Variants in CHN2 observed in about 807,000 individuals in gnomAD.
CHN2 encodes chimerin 2, also known as beta-chimaerin.
In CHN2, 35 loss-of-function variants were observed where a neutral mutation model predicts 56.3. The ratio of observed to expected loss-of-function variants is 0.62; its 90% CI spans 0.47 to 0.82. The LOEUF is 0.82. CHN2 is among the 40% of genes least tolerant of loss of function. The pLI is 0.00. For synonymous variants in CHN2, 210 were observed against 212.8 expected (o/e 0.99, Z 0.12); for missense variants, 491 against 580.5 (o/e 0.85, Z 1.58).
chr7:29,454,781 G>A (rs1173543815), intron 6 of CHN2, among the ~76,000 whole-genome samples: 1 of 152,130 alleles, frequency 6.6e-6, no homozygotes, highest in Non-Finnish European at 1.5e-5. Context: ...CCATGGCTAC[G>A]TGACTACGTG....
chr7:29,336,427 C>T (rs1407520211), intron 1 of CHN2, among the ~76,000 whole-genome samples: 1 of 151,992 alleles, frequency 6.6e-6, no homozygotes, highest in Admixed American at 6.6e-5. Flanking sequence ...CTGAGCAACA[C>T]AGTAAGACTC....
intron 2 of CHN2, among the ~76,000 whole-genome samples, chr7:29,183,135 A>G (rs1187405330): frequency 1.5e-5 from 2 of 135,998 alleles, no homozygotes; most frequent in Non-Finnish European, 3.1e-5. Flanking sequence ...CCTAGGCTGG[A>G]GTGCAACGGC....
intron 1 of CHN2, among the ~76,000 whole-genome samples, chr7:29,271,174 A>G (rs1242920263): frequency 6.6e-6 from 1 of 152,158 alleles, no homozygotes; most frequent in Non-Finnish European, 1.5e-5. Flanking sequence ...TCTTTTAGTC[A>G]GCGTCCTGGT....
intron 6 of CHN2, chr7:29,401,040 A>G (rs1275122870): frequency 5.4e-6 from 3 of 558,782 alleles, no homozygotes; most frequent in East Asian, 6.1e-5. Context: ...AGGCCGAGGC[A>G]GGTGGATCAC....
chr7:29,253,129 C>T (rs1788771739), intron 1 of CHN2, among the ~76,000 whole-genome samples: 1 of 152,144 alleles, frequency 6.6e-6, no homozygotes, highest in East Asian at 1.9e-4. Context: ...GGGGCTTCAT[C>T]AAATAGGGAT....
intron 6 of CHN2, among the ~76,000 whole-genome samples, chr7:29,412,320 CTTTTTTTTTTTTTT>C (rs1158746299): frequency 2.9e-5 from 2 of 69,510 alleles, no homozygotes; most frequent in Non-Finnish European, 2.7e-5. Context: ...GCTAAAGAGT[CTTTTTTTTTTTTTT>C]TTTTTTTTTT....
At chr7:29,247,850 T>C (rs1366799874) in intron 1 of CHN2, among the ~76,000 whole-genome samples, 1 of 152,234 alleles carries the variant, frequency 6.6e-6, no homozygotes, top group East Asian at 1.9e-4. Flanking sequence ...CCAAATCCTC[T>C]CTGCTCTTTA....
At chr7:29,288,804 T>C (rs1168008790) in intron 1 of CHN2, 1 of 152,284 alleles carries the variant, frequency 6.6e-6, no homozygotes, top group Non-Finnish European at 1.5e-5. Context: ...GTCTTCCTTT[T>C]TCTTAGAATG....
upstream of CHN2, among the ~76,000 whole-genome samples, chr7:29,190,889 G>A (rs1439064641): frequency 6.6e-6 from 1 of 151,046 alleles, no homozygotes; most frequent in African/African-American, 2.4e-5. Flanking sequence ...GCAAAGTATG[G>A]TAGACAATAC....
At chr7:29,238,356 A>G (rs1402446378) in intron 1 of CHN2, among the ~76,000 whole-genome samples, 1 of 152,156 alleles carries the variant, frequency 6.6e-6, no homozygotes, top group Non-Finnish European at 1.5e-5. Flanking sequence ...CGGGTCTGTT[A>G]TGTGTATTAT....
In CHN2 at chr7:29,367,978, T is replaced by C. The variant is rs1799306656; in HGVS notation, c.135T>C (p.Cys45=). ...CACCTCGTCCCAAGAGAATCATTTG[T>C]CCTCGGGAGGTCAGTGCTCAGCTAT... ...QEAPRPKRII[C]PREVENRPKY... is the part of the protein sequence containing the mutation. Residue 45 remains cysteine (C), a synonymous_variant, in exon 3 of 13, where the codon TGT becomes TGC. Coordinates refer to ENST00000222792, the MANE Select transcript of CHN2 (RefSeq NM_004067.4). 1 of 1,611,070 alleles carries C rather than the reference T, an allele frequency of 6.2e-7. No individual in the cohort carries two copies. Among genetic ancestry groups the C allele is most frequent in the Non-Finnish European group, 8.5e-7 (1 of 1,178,738 alleles).
At chr7:29,472,299 G>GCACACACA (rs59917710) in intron 6 of CHN2, among the ~76,000 whole-genome samples, 3 of 105,550 alleles carry the variant, frequency 2.8e-5, no homozygotes, top group South Asian at 3.1e-4. Context: ...ACACACACAC[G>GCACACACA]CACACACACA....
At chr7:29,493,773 G>T (rs1431311914) in intron 7 of CHN2, among the ~76,000 whole-genome samples, 3 of 152,014 alleles carry the variant, frequency 2.0e-5, no homozygotes, top group Non-Finnish European at 2.9e-5. Context: ...CAGGTGTTAG[G>T]CTCTGTCATT....
chr7:29,487,064 C>A (rs1489984206), intron 7 of CHN2, among the ~76,000 whole-genome samples: 1 of 152,188 alleles, frequency 6.6e-6, no homozygotes, highest in African/African-American at 2.4e-5. Context: ...GCCTTGCCTT[C>A]TTATCAAGCT....
intron 3 of CHN2, among the ~76,000 whole-genome samples, chr7:29,389,882 C>T (rs769859992): frequency 9.9e-5 from 15 of 151,360 alleles, no homozygotes; most frequent in Non-Finnish European, 2.1e-4. Flanking sequence ...GGTGAAACCC[C>T]CGTCTCTACT....
chr7:29,448,719 GGCT>G (rs1784198388), intron 6 of CHN2, among the ~76,000 whole-genome samples: 1 of 152,064 alleles, frequency 6.6e-6, no homozygotes. Context: ...CTCACTGTTT[GGCT>G]ATCTCCTTCT....
intron 3 of CHN2, among the ~76,000 whole-genome samples, chr7:29,387,455 A>G (rs140409424): frequency 7.5e-4 from 115 of 152,356 alleles, no homozygotes; most frequent in African/African-American, 2.5e-3. Context: ...CACTATTTGA[A>G]TATTTGCTAT....
At chr7:29,360,201 A>G (rs911970603) in intron 2 of CHN2, among the ~76,000 whole-genome samples, 1 of 152,196 alleles carries the variant, frequency 6.6e-6, no homozygotes, top group African/African-American at 2.4e-5. Context: ...CAGTGCCATT[A>G]GACAAGATAA....
chr7:29,460,970 T>C (rs1365105249), intron 6 of CHN2, among the ~76,000 whole-genome samples: 1 of 152,214 alleles, frequency 6.6e-6, no homozygotes, highest in Non-Finnish European at 1.5e-5. Flanking sequence ...ATTGGTCTTG[T>C]CTCACGATGT....
Sources: gnomAD v4.1 joint callset for allele counts (sites outside exome capture counted in the v4.1 genomes callset) on GRCh38, gnomAD v4.1.1 for gene constraint, MANE v1.5 for transcripts, NCBI Gene and HGNC (gene_info 2026-07-23, HGNC 2026-07-21) for gene names.